The following UBL3 variants were observed in gnomAD, a reference collection of about 807,000 sequenced individuals.
UBL3 encodes ubiquitin-like protein 3.
In UBL3, 6 loss-of-function variants were observed where a neutral mutation model predicts 18.4. The ratio of observed to expected loss-of-function variants is 0.33; its 90% CI spans 0.18 to 0.64. The LOEUF (loss-of-function observed/expected upper bound fraction) is 0.64. UBL3 is among the 30% of genes least tolerant of loss of function. The pLI is 0.76. For missense variants in UBL3, 109 were observed against 142.9 expected, an observed-to-expected ratio of 0.76 and a Z score of 1.21; for synonymous variants, 49 against 46.6, an observed-to-expected ratio of 1.05 and a Z score of -0.21.
intron 1 of UBL3, among the ~76,000 whole-genome samples, chr13:29,830,269 T>C (rs1354187988): frequency 5.9e-5 from 9 of 152,242 alleles, no homozygotes; most frequent in African/African-American, 1.4e-4. Context: ...GACTCATGTG[T>C]TGCCATAATT....
chr13:29,785,238 C>G (rs1478387514), intron 1 of UBL3, among the ~76,000 whole-genome samples: 1 of 152,142 alleles, frequency 6.6e-6, no homozygotes, highest in Non-Finnish European at 1.5e-5. Context: ...TGATACTGCA[C>G]TGTGATTATG....
intron 1 of UBL3, among the ~76,000 whole-genome samples, chr13:29,822,059 C>T (rs1322221512): frequency 6.6e-6 from 1 of 152,088 alleles, no homozygotes; most frequent in African/African-American, 2.4e-5. Context: ...GAATATGCTG[C>T]CTTGGTTGAA....
rs1876704876 is a variant in UBL3 at position 29,766,972 on chromosome 13, A to G, written c.*283T>C. The G allele has an allele frequency of 1.5e-5, 4 of 274,558 alleles. No individual in the cohort carries two copies. The highest frequency in any genetic ancestry group is 2.7e-5 in the Non-Finnish European group (4 of 147,984). 17.0% of individuals were successfully genotyped at this position (274,558 alleles called of 1,614,324 possible). On this transcript the variant is annotated 3_prime_UTR_variant, in exon 5 of 5. Transcript: ENST00000380680. ...TGGCAGCAAAATGGTTTCTGCTACG[A>G]AAGATAACTTGTTAACTTTTCCCCT...
chr13:29,821,827 A>G (rs1414674268), intron 1 of UBL3, among the ~76,000 whole-genome samples: 1 of 152,216 alleles, frequency 6.6e-6, no homozygotes, highest in Non-Finnish European at 1.5e-5. Flanking sequence ...CTGACTGCAC[A>G]TAAATCCCCA....
At chr13:29,795,817 A>C (rs750127923) in intron 1 of UBL3, among the ~76,000 whole-genome samples, 58 of 149,976 alleles carry the variant, frequency 3.9e-4, no homozygotes, top group South Asian at 1.5e-3. Flanking sequence ...CTGCAGTCCC[A>C]GTTACTTGGA....
chr13:29,808,567 CTGTTT>C (rs2139338737), intron 1 of UBL3, among the ~76,000 whole-genome samples: 1 of 152,242 alleles, frequency 6.6e-6, no homozygotes, highest in African/African-American at 2.4e-5. Context: ...TCACCAACAT[CTGTTT>C]TGTTTTGTGT....
intron 1 of UBL3, among the ~76,000 whole-genome samples, chr13:29,780,105 A>G (rs1877108083): frequency 6.6e-6 from 1 of 152,040 alleles, no homozygotes; most frequent in African/African-American, 2.4e-5. Context: ...CTGTAATCCC[A>G]GCACTTTGGG....
Position 29,777,253 on chromosome 13 carries a change from C to T in UBL3, c.38G>A (p.Arg13His), listed in dbSNP as rs759781267. 9 of 1,604,316 alleles carry T rather than the reference C, an allele frequency of 5.6e-6. No individual in the cohort carries two copies. The highest frequency in any genetic ancestry group is 6.8e-6 in the Non-Finnish European group (8 of 1,175,988). ...SNVPADMINLRLILVSGKTKE... is the reference protein window; with the variant it reads ...SNVPADMINLHLILVSGKTKE... ...TGTTTTTCCGCTTACCAAAATGAGG[C>T]GCAAATTTATCTGAAAGAAGACAAT... The change falls in exon 2 of 5, where the codon CGC (arginine) becomes CAC (histidine). Residue 13 changes from arginine to histidine, a missense_variant. Arg to His is a conservative substitution (Grantham distance 29). Coordinates refer to ENST00000380680, the MANE Select transcript of UBL3 (RefSeq NM_007106.4).
intron 1 of UBL3, among the ~76,000 whole-genome samples, chr13:29,824,499 A>G (rs1384017909): frequency 6.6e-6 from 1 of 152,184 alleles, no homozygotes; most frequent in African/African-American, 2.4e-5. Flanking sequence ...TGGCTGCATA[A>G]ATGTCTTCTT....
intron 1 of UBL3, among the ~76,000 whole-genome samples, chr13:29,811,503 T>C (rs946668605): frequency 1.3e-5 from 2 of 152,058 alleles, no homozygotes; most frequent in Admixed American, 6.6e-5. Context: ...TGGGGGCTTC[T>C]AGGAAATTTA....
chr13:29,842,477 G>A (rs1879131162), intron 1 of UBL3, among the ~76,000 whole-genome samples: 1 of 151,908 alleles, frequency 6.6e-6, no homozygotes, highest in East Asian at 1.9e-4. Flanking sequence ...CTCTTTTACT[G>A]ACACTTGGCA....
At chr13:29,780,367 AATAT>A (rs67385106) in intron 1 of UBL3, among the ~76,000 whole-genome samples, 13 of 103,298 alleles carry the variant, frequency 1.3e-4, no homozygotes, top group African/African-American at 3.6e-4. Context: ...AAAAAAAAAA[AATAT>A]ATATATATAT....
At chr13:29,849,376 C>T in intron 1 of UBL3, 136 bp downstream of exon 1, 1 of 1,167,428 alleles carries the variant, frequency 8.6e-7, no homozygotes, top group Non-Finnish European at 1.2e-6. Context: ...CCAGAAGCTC[C>T]AACTTCTCCA....
At chr13:29,788,486 C>T (rs1877382657) in intron 1 of UBL3, among the ~76,000 whole-genome samples, 2 of 152,142 alleles carry the variant, frequency 1.3e-5, no homozygotes, top group Non-Finnish European at 2.9e-5. Flanking sequence ...TTTTCTTCTT[C>T]CTAGGTCAGG....
At chr13:29,806,936 T>G (rs1382124664) in intron 1 of UBL3, among the ~76,000 whole-genome samples, 1 of 152,220 alleles carries the variant, frequency 6.6e-6, no homozygotes, top group East Asian at 1.9e-4. Context: ...TGTGAGATTG[T>G]ATTTCCAAAC....
At chr13:29,828,578 T>C (rs1878685660) in intron 1 of UBL3, among the ~76,000 whole-genome samples, 1 of 152,200 alleles carries the variant, frequency 6.6e-6, no homozygotes, top group Non-Finnish European at 1.5e-5. Flanking sequence ...GCCATTCGTC[T>C]AATCTTTTTT....
chr13:29,837,322 T>C (rs578104020), intron 1 of UBL3, among the ~76,000 whole-genome samples: 1 of 151,786 alleles, frequency 6.6e-6, no homozygotes, highest in East Asian at 1.9e-4. Context: ...AGAAAACAGA[T>C]GAAAACATAA....
chr13:29,839,061 T>C (rs1352130124), intron 1 of UBL3, among the ~76,000 whole-genome samples: 1 of 152,172 alleles, frequency 6.6e-6, no homozygotes, highest in African/African-American at 2.4e-5. Context: ...GAGGCACAAT[T>C]TGAGAGAACT....
intron 1 of UBL3, among the ~76,000 whole-genome samples, chr13:29,841,780 G>A (rs868538407): frequency 2.6e-5 from 4 of 152,144 alleles, no homozygotes; most frequent in Admixed American, 6.5e-5. Flanking sequence ...TCCTCGCTAT[G>A]TGATCTCAAA....
Sources: gnomAD v4.1 joint callset for allele counts (sites outside exome capture counted in the v4.1 genomes callset) on GRCh38, gnomAD v4.1.1 for gene constraint, MANE v1.5 for transcripts, NCBI Gene and HGNC (gene_info 2026-07-23, HGNC 2026-07-21) for gene names.